The following ARHGAP30 variants were observed in gnomAD, a reference collection of about 807,000 sequenced individuals.
ARHGAP30 encodes the protein Rho GTPase activating protein 30.
A neutral mutation model predicts 72.0 loss-of-function variants in ARHGAP30; 23 were observed. That is an observed-to-expected ratio of 0.32 (90% CI 0.23 to 0.45). The LOEUF is 0.45. Among genes scored for constraint, ARHGAP30 ranks in the 20% least tolerant of loss-of-function variants. The pLI is 1.00. For synonymous variants in ARHGAP30, 576 were observed against 528.2 expected (o/e 1.09, Z -1.24); for missense variants, 1,319 against 1,383.4 (o/e 0.95, Z 0.74).
At chr1:161,058,415 T>C (rs1044915358) in intron 2 of ARHGAP30, among the ~76,000 whole-genome samples, 1 of 151,762 alleles carries the variant, frequency 6.6e-6, no homozygotes, top group Non-Finnish European at 1.5e-5. Context: ...TCACTTGAGG[T>C]CAGGAGTTCA....
In ARHGAP30 at chr1:161,047,537, C is replaced by A; in HGVS notation, c.*178G>T. On this transcript the variant is annotated 3_prime_UTR_variant, in exon 12 of 12. Transcript: ENST00000368013. ...AGAGATAAGTGCTTTGTGTCGGAGACAAGTTCAGGTAAACCAACCAAGGCA... is the reference window on the plus strand; with the variant it reads ...AGAGATAAGTGCTTTGTGTCGGAGAAAAGTTCAGGTAAACCAACCAAGGCA... 1 of 505,866 alleles carries A rather than the reference C, an allele frequency of 2.0e-6. No individual in the cohort carries two copies. The highest frequency in any genetic ancestry group is 3.2e-6 in the Non-Finnish European group (1 of 310,298). 31.3% of individuals were successfully genotyped at this position (505,866 alleles called of 1,614,324 possible).
chr1:161,060,232 A>T (rs1416946517), intron 1 of ARHGAP30: 1 of 452,040 alleles, frequency 2.2e-6, no homozygotes, highest in South Asian at 1.6e-5. Flanking sequence ...AGGAAGCCGC[A>T]CTCTGGCCTG....
Position 161,053,529 on chromosome 1 carries a change from A to G in ARHGAP30, c.537-144T>C, listed in dbSNP as rs577667099. On this transcript the variant is annotated intron_variant, in intron 5 of 11. Coordinates refer to ENST00000368013, the MANE Select transcript of ARHGAP30 (RefSeq NM_001025598.2). Reference sequence around the variant, plus strand: ...CTCGAATGACCTTAACCCCTTCTCTACCTCTTAAATTGTATGCATAATTCT... The same window carrying G: ...CTCGAATGACCTTAACCCCTTCTCTGCCTCTTAAATTGTATGCATAATTCT... The G allele has an allele frequency of 1.7e-4, 180 of 1,059,086 alleles. 2 individuals are homozygous for G. The Middle Eastern group carries it at 2.6e-3, about 15-fold the overall frequency. 65.6% of individuals were successfully genotyped at this position (1,059,086 alleles called of 1,614,324 possible).
At chr1:161,057,389 G>A (rs1336363454) in intron 2 of ARHGAP30, among the ~76,000 whole-genome samples, 1 of 152,184 alleles carries the variant, frequency 6.6e-6, no homozygotes, top group Non-Finnish European at 1.5e-5. Context: ...TGGGCAAAGG[G>A]TTTGAATAAA....
At chr1:161,060,564 C>T (rs2102059911) in intron 1 of ARHGAP30, among the ~76,000 whole-genome samples, 1 of 135,074 alleles carries the variant, frequency 7.4e-6, no homozygotes, top group South Asian at 2.4e-4. Flanking sequence ...CCACTGCACT[C>T]TAATCTGGGT....
In ARHGAP30 at chr1:161,052,382, T is replaced by C. The variant is rs1185022783; in HGVS notation, c.941-19A>G. 6.2e-7 allele frequency: 1 copy of C among 1,613,854 alleles called. No homozygotes were observed. Among genetic ancestry groups the C allele is most frequent in the Non-Finnish European group, 8.5e-7 (1 of 1,180,020 alleles). On this transcript the variant is annotated intron_variant, in intron 8 of 11. Coordinates refer to ENST00000368013, the MANE Select transcript of ARHGAP30 (RefSeq NM_001025598.2). ...TTATCCTCTGTAAGACAGGGATGTG[T>C]GTAGAGCCAGGGCCTTGTGCACCCT...
chr1:161,056,507 G>T lies in ARHGAP30; in HGVS notation c.226C>A (p.Pro76Thr). ...AGGTAAACATCCCGACGCAGGTCTGGCTTCCGCTCTGACTCAAATTCCTGC... is the reference window on the plus strand; with the variant it reads ...AGGTAAACATCCCGACGCAGGTCTGTCTTCCGCTCTGACTCAAATTCCTGC... ...LRQEFESERK[P>T]DLRRDVYLQD... The change falls in exon 3 of 12, where the codon CCA becomes ACA. Residue 76 changes from proline (P) to threonine (T), a missense_variant. Transcript: ENST00000368013. 6.2e-7 allele frequency: 1 copy of T among 1,613,824 alleles called. No individual in the cohort carries two copies.
intron 1 of ARHGAP30, among the ~76,000 whole-genome samples, chr1:161,061,441 C>CCG (rs1402649038): frequency 2.6e-5 from 4 of 152,132 alleles, no homozygotes; most frequent in African/African-American, 9.7e-5. Flanking sequence ...GCGTGAGCCA[C>CCG]CGCGCCTGAC....
Position 161,049,250 on chromosome 1 carries a change from G to C in ARHGAP30, c.1771C>G (p.Leu591Val), listed in dbSNP as rs3813609. The change falls in exon 12 of 12, where the codon CTG (leucine) becomes GTG (valine). Residue 591 changes from leucine (L) to valine (V), a missense_variant. This residue lies in a region of ARHGAP30 where 1,097 missense variants were observed against 1,045.2 expected (regional missense o/e 1.05). Transcript: ENST00000368013. ...QFVLAPSCCS[L>V]DSAGPRPEVE... ...TCAGGCCTGGGGCCAGCGGAGTCCA[G>C]GGAACAGCAGCTGGGGGCCAAGACA... 923,465 of 1,613,834 alleles carry C rather than the reference G, an allele frequency of 0.57. 272,464 individuals carry two copies. The highest frequency in any genetic ancestry group is 0.62 in the Non-Finnish European group (727,150 of 1,179,934).
chr1:161,052,063 A>C (rs1651442096), intron 9 of ARHGAP30, among the ~76,000 whole-genome samples: 1 of 123,364 alleles, frequency 8.1e-6, no homozygotes, highest in African/African-American at 3.1e-5. Context: ...ACCACCACAT[A>C]CCCATGCTGT....
intron 10 of ARHGAP30, among the ~76,000 whole-genome samples, chr1:161,050,529 G>A (rs1386802333): frequency 4.0e-5 from 6 of 151,654 alleles, no homozygotes; most frequent in Non-Finnish European, 8.8e-5. Context: ...GGCTGGTCTC[G>A]AACTCCTGAC....
chr1:161,069,885 G>C lies in ARHGAP30; in HGVS notation c.-261C>G. 1 of 539,956 alleles carries C rather than the reference G, an allele frequency of 1.9e-6. No individual in the cohort carries two copies. Among genetic ancestry groups the C allele is most frequent in the Non-Finnish European group, 3.3e-6 (1 of 298,764 alleles). The allele number at this position is 539,956 out of a possible 1,614,324, so 33.4% of individuals were successfully genotyped here. A position where few individuals can be genotyped will look rare whatever the true frequency, so the allele number is the denominator to read the frequency against. On this transcript the variant is annotated 5_prime_UTR_variant, in exon 1 of 12. Transcript: ENST00000368013. This position sits in a 1 kb window ranked among gnomAD's most constrained non-coding sequence, Gnocchi z 4.9. ...TGTCCTGTGTCTCGTGGCCCAGCCT[G>C]GCACTCGCCCTCCTCGCCCCGCTCA... is the stretch of plus-strand genomic sequence containing the variant.
intron 10 of ARHGAP30, 69 bp downstream of exon 10, chr1:161,051,245 C>T: frequency 6.6e-7 from 1 of 1,505,642 alleles, no homozygotes; most frequent in South Asian, 1.4e-5. Flanking sequence ...GGTGGATCTT[C>T]CAGCATCAGA....
intron 9 of ARHGAP30, 136 bp from the exon 10 acceptor site, chr1:161,051,851 G>C (rs907340426): frequency 7.0e-7 from 1 of 1,427,036 alleles, no homozygotes; most frequent in East Asian, 2.5e-5. Context: ...ACCAGGCCCA[G>C]CTTCTTTTGA....
intron 6 of ARHGAP30, 172 bp downstream of exon 6, chr1:161,053,086 A>C: frequency 3.9e-6 from 4 of 1,026,750 alleles, no homozygotes; most frequent in Non-Finnish European, 5.6e-6. Context: ...CTGACAGCAG[A>C]AGAAGTCTTC....
At position 161,054,697 on chromosome 1, in the gene ARHGAP30, T is replaced by C; in HGVS notation, c.354A>G (p.Val118=). The part of the protein sequence containing the change: ...YRLYDKFAEA[V]GVQLEPERLV... ...AGCGCTCAGGTTCCAATTGCACTCC[T>C]ACAGCCTCCTGATTGAGAAGAGTGC... The change falls in exon 4 of 12, where the codon GTA becomes GTG. Residue 118 remains valine (V), a synonymous_variant. Transcript: ENST00000368013. 1 of 1,613,964 alleles carries C rather than the reference T, an allele frequency of 6.2e-7. No homozygotes were observed. Among genetic ancestry groups the C allele is most frequent in the Non-Finnish European group, 8.5e-7 (1 of 1,179,988 alleles).
intron 1 of ARHGAP30, among the ~76,000 whole-genome samples, chr1:161,068,507 A>G (rs986662401): frequency 7.9e-5 from 12 of 152,078 alleles, no homozygotes; most frequent in Non-Finnish European, 1.6e-4. Flanking sequence ...CTCCGCTGCA[A>G]GCACCACAGC....
intron 4 of ARHGAP30, 49 bp from the exon 5 acceptor site, chr1:161,054,522 A>G: frequency 6.2e-7 from 1 of 1,605,182 alleles, no homozygotes; most frequent in Non-Finnish European, 8.5e-7. Flanking sequence ...CAGGGCAGGC[A>G]TTAGGGCTGG....
rs1653008508 is a variant in ARHGAP30, at chr1:161,069,446, C to A, written c.97+82G>T. ...CCTTCCCCAGGAGCACCGGAAACTG[C>A]TTCTGCCCTTCAGGCTGGATCGGGC... On this transcript the variant is annotated intron_variant, in intron 1 of 11. Coordinates refer to ENST00000368013, the MANE Select transcript of ARHGAP30 (RefSeq NM_001025598.2). The surrounding 1 kb of genome is among the most constrained non-coding windows in gnomAD (Gnocchi z 4.9). 7.0e-7 allele frequency: 1 copy of A among 1,435,128 alleles called. No homozygotes were observed. Among genetic ancestry groups the A allele is most frequent in the Admixed American group, 1.7e-5 (1 of 58,102 alleles). 88.9% of individuals were successfully genotyped at this position (1,435,128 alleles called of 1,614,324 possible).
Sources: gnomAD v4.1 joint callset for allele counts (sites outside exome capture counted in the v4.1 genomes callset) on GRCh38, gnomAD v4.1.1 for gene constraint, gnomAD v4.1.1 regional missense constraint, Gnocchi (gnomAD v3.1) non-coding constraint, MANE v1.5 for transcripts, NCBI Gene and HGNC (gene_info 2026-07-23, HGNC 2026-07-21) for gene names.